Variants in LDB2 observed in about 807,000 individuals in gnomAD.
The protein encoded by LDB2 is LIM domain-binding protein 2.
Under a neutral mutation model 44.3 loss-of-function variants are expected in LDB2, and 12 were observed. The observed-to-expected ratio is 0.27, with a 90% CI of 0.17 to 0.44. The LOEUF (loss-of-function observed/expected upper bound fraction) is 0.44, where lower values mean the gene tolerates loss of function less well. LDB2 is among the 20% of genes least tolerant of loss of function. The pLI is 1.00. For synonymous variants in LDB2, 164 were observed against 174.8 expected, an observed-to-expected ratio of 0.94 and a Z score of 0.49; for missense variants, 344 against 473.5, an observed-to-expected ratio of 0.73 and a Z score of 2.54.
intron 3 of LDB2, among the ~76,000 whole-genome samples, 155 bp from the exon 4 acceptor site, chr4:16,588,987 G>A (rs1270619941): frequency 2.0e-5 from 3 of 152,134 alleles, no homozygotes; most frequent in Admixed American, 6.5e-5. Flanking sequence ...CACTGCACAC[G>A]GTACAAATGT....
intron 2 of LDB2, among the ~76,000 whole-genome samples, chr4:16,720,655 T>C (rs991717850): frequency 2.0e-5 from 3 of 152,086 alleles, no homozygotes; most frequent in Non-Finnish European, 4.4e-5. Context: ...AGGTCCCCAT[T>C]AACTTAATTA....
At position 16,605,386 on chromosome 4, in the gene LDB2, T is replaced by C. The variant is rs537920367; in HGVS notation, c.236-9511A>G. ...CAATAAAATGGAACACTTTTTGTTTTTGATCAACCAATGTTGGTTAATTTC... is the reference window on the plus strand; with the variant it reads ...CAATAAAATGGAACACTTTTTGTTTCTGATCAACCAATGTTGGTTAATTTC... On this transcript the variant is annotated intron_variant, in intron 2 of 7. Transcript: ENST00000304523. 5.3e-5 allele frequency among the ~76,000 whole-genome samples: 8 copies of C among 152,346 alleles called. No homozygotes were observed. The South Asian group carries it at 1.2e-3, about 24-fold the overall frequency.
chr4:16,658,129 A>C (rs951163493), intron 2 of LDB2, among the ~76,000 whole-genome samples: 2 of 152,226 alleles, frequency 1.3e-5, no homozygotes, highest in Non-Finnish European at 2.9e-5. Context: ...GATTGGAAAC[A>C]GAAAGACAGA....
intron 2 of LDB2, among the ~76,000 whole-genome samples, chr4:16,626,258 A>T (rs536663738): frequency 6.6e-6 from 1 of 152,314 alleles, no homozygotes; most frequent in Admixed American, 6.5e-5. Flanking sequence ...CCTCATTTTA[A>T]TCAGAATACA....
At chr4:16,800,434 C>T (rs547091555) in intron 1 of LDB2, among the ~76,000 whole-genome samples, 108 of 152,196 alleles carry the variant, frequency 7.1e-4, no homozygotes, top group Non-Finnish European at 1.4e-3. Context: ...TTGCTTGTAA[C>T]ATCTTACCAG....
At chr4:16,693,143 A>C (rs766228911) in intron 2 of LDB2, among the ~76,000 whole-genome samples, 1 of 152,152 alleles carries the variant, frequency 6.6e-6, no homozygotes, top group Non-Finnish European at 1.5e-5. Context: ...CCATGTCCTG[A>C]GATACACAAG....
chr4:16,812,844 C>A (rs1780163504), intron 1 of LDB2, among the ~76,000 whole-genome samples: 2 of 151,780 alleles, frequency 1.3e-5, no homozygotes, highest in Admixed American at 6.6e-5. Flanking sequence ...AGCTTTCTTC[C>A]AAGAAACGCT....
intron 1 of LDB2, among the ~76,000 whole-genome samples, chr4:16,831,568 C>A (rs1427059782): frequency 6.6e-6 from 1 of 152,096 alleles, no homozygotes; most frequent in Admixed American, 6.5e-5. Context: ...CAAAAGAAGT[C>A]AGATTCAGGA....
At chr4:16,553,948 C>CT (rs1738553249) in intron 5 of LDB2, among the ~76,000 whole-genome samples, 1 of 152,164 alleles carries the variant, frequency 6.6e-6, no homozygotes, top group Non-Finnish European at 1.5e-5. Context: ...AGCCACCACT[C>CT]TGTCTGGATA....
intron 4 of LDB2, among the ~76,000 whole-genome samples, chr4:16,586,487 T>TACACAC (rs5856368): frequency 2.2e-4 from 28 of 128,932 alleles, no homozygotes; most frequent in Admixed American, 1.3e-3. Flanking sequence ...TGTCTTGAAA[T>TACACAC]ACACACACAC....
intron 1 of LDB2, among the ~76,000 whole-genome samples, chr4:16,792,200 G>T (rs1233234158): frequency 6.6e-6 from 1 of 152,184 alleles, no homozygotes; most frequent in Non-Finnish European, 1.5e-5. Context: ...CACTTACTGT[G>T]TAATAGGAAT....
chr4:16,800,736 G>A (rs113881182), intron 1 of LDB2, among the ~76,000 whole-genome samples: 1 of 152,282 alleles, frequency 6.6e-6, no homozygotes, highest in Non-Finnish European at 1.5e-5. Flanking sequence ...GTGCAGTGGC[G>A]CAATCTCGGC....
At chr4:16,665,533 G>A (rs1742864887) in intron 2 of LDB2, among the ~76,000 whole-genome samples, 1 of 152,116 alleles carries the variant, frequency 6.6e-6, no homozygotes, top group Admixed American at 6.5e-5. Context: ...CCAAAGTGCT[G>A]GGATTACAGG....
chr4:16,690,320 G>T (rs1750326023), intron 2 of LDB2, among the ~76,000 whole-genome samples: 1 of 151,502 alleles, frequency 6.6e-6, no homozygotes, highest in African/African-American at 2.4e-5. Flanking sequence ...AAAATTAGCT[G>T]GGAATGGTGG....
chr4:16,760,956 G>A (rs1307305070), intron 1 of LDB2, among the ~76,000 whole-genome samples: 1 of 151,644 alleles, frequency 6.6e-6, no homozygotes, highest in African/African-American at 2.4e-5. Flanking sequence ...ATGACTTTAT[G>A]TGTATTTTCC....
intron 1 of LDB2, among the ~76,000 whole-genome samples, chr4:16,869,717 G>A (rs543630685): frequency 1.3e-5 from 2 of 152,284 alleles, no homozygotes; most frequent in African/African-American, 4.8e-5. Context: ...AGCTTCTTAC[G>A]TCACAAAAGT....
intron 5 of LDB2, among the ~76,000 whole-genome samples, chr4:16,514,903 T>C (rs1340341763): frequency 2.0e-5 from 3 of 152,214 alleles, no homozygotes; most frequent in African/African-American, 7.2e-5. Flanking sequence ...TGCATTACTC[T>C]GTTAAGAATT....
chr4:16,818,653 G>T (rs750053239), intron 1 of LDB2, among the ~76,000 whole-genome samples: 6 of 152,148 alleles, frequency 3.9e-5, no homozygotes, highest in Admixed American at 1.3e-4. Flanking sequence ...TACGATGAGG[G>T]TTTAAATCCC....
intron 1 of LDB2, among the ~76,000 whole-genome samples, chr4:16,886,689 A>G (rs114482868): frequency 0.026 from 3,982 of 152,232 alleles, 117 homozygotes; most frequent in Admixed American, 0.073. Context: ...TTCAAAAGCA[A>G]TGAAGGTTAG....
Sources: allele counts gnomAD v4.1 joint callset (sites outside exome capture counted in the v4.1 genomes callset), GRCh38; gene constraint gnomAD v4.1.1; transcripts MANE v1.5; gene names NCBI Gene and HGNC (gene_info 2026-07-23, HGNC 2026-07-21).